Variants in ATP2A1 observed in about 807,000 individuals in gnomAD.
ATP2A1 encodes the protein sarcoplasmic/endoplasmic reticulum calcium ATPase 1.
ATP2A1 carries 83 observed loss-of-function variants against 109.5 expected under a neutral mutation model. That is an observed-to-expected ratio of 0.76 (90% CI 0.63 to 0.91). The LOEUF (loss-of-function observed/expected upper bound fraction) is 0.91. ATP2A1 is among the 40% of genes least tolerant of loss of function. ATP2A1 has a pLI of 0.00. For missense variants in ATP2A1, 1,101 were observed against 1,341.0 expected (o/e 0.82, Z 2.80); for synonymous variants, 505 against 537.6 (o/e 0.94, Z 0.84).
rs751365374 is a variant in ATP2A1, at chr16:28,902,318, GC to G, written c.2464del (p.Arg822GlyfsTer49). On this transcript the variant is annotated frameshift_variant, in exon 17 of 23. Transcript: ENST00000395503. LOFTEE classifies it high-confidence loss of function. This position sits in a 1 kb window ranked among gnomAD's most constrained non-coding sequence, Gnocchi z 4.8. ...CCACCAGACCTGGACATCATGGACC[GC>G]CCCCCCCGGAGCCCCAAGGAGCCCC... Reference protein sequence around the residue: ...FNPPDLDIMDRPPRSPKEPLI... With the variant: ...FNPPDLDIMDXPPRSPKEPLI... 8.7e-6 allele frequency: 14 copies of G among 1,612,662 alleles called. No homozygotes were observed. The highest frequency in any genetic ancestry group is 1.0e-5 in the Non-Finnish European group (12 of 1,179,332).
Position 28,900,910 on chromosome 16 carries a change from A to G in ATP2A1, c.2094A>G (p.Thr698=). The G allele has an allele frequency of 6.2e-7, 1 of 1,614,168 alleles. No individual in the cohort carries two copies. The highest frequency in any genetic ancestry group is 8.5e-7 in the Non-Finnish European group (1 of 1,180,028). ...ACCTGCAGTCCTACGATGAGATCACAGCCATGGTGAGAGGGCCCAGGCAGC... is the reference window on the plus strand; with the variant it reads ...ACCTGCAGTCCTACGATGAGATCACGGCCATGGTGAGAGGGCCCAGGCAGC... The part of the protein sequence containing the change: ...VEYLQSYDEI[T]AMTGDGVNDA... The change falls in exon 15 of 23, where the codon ACA becomes ACG. Residue 698 remains threonine (T), a synonymous_variant. Coordinates refer to ENST00000395503, the MANE Select transcript of ATP2A1 (RefSeq NM_004320.6).
At position 28,903,874 on chromosome 16, in the gene ATP2A1, G is replaced by A; in HGVS notation, c.*37+133G>A. 3.2e-6 allele frequency: 3 copies of A among 936,510 alleles called. No homozygotes were observed. Among genetic ancestry groups the A allele is most frequent in the Non-Finnish European group, 5.1e-6 (3 of 582,782 alleles). 58.0% of individuals were successfully genotyped at this position (936,510 alleles called of 1,614,324 possible). A position where few individuals can be genotyped will look rare whatever the true frequency, so the allele number is the denominator to read the frequency against. ...TGGAGCCGTTGCCACTGCTGCTGCTGCGCTTCCAGTCAGGGTGGGCCGCTG... is the reference window on the plus strand; with the variant it reads ...TGGAGCCGTTGCCACTGCTGCTGCTACGCTTCCAGTCAGGGTGGGCCGCTG... On this transcript the variant is annotated intron_variant, in intron 22 of 22. Transcript: ENST00000395503. This position sits in a 1 kb window ranked among gnomAD's most constrained non-coding sequence, Gnocchi z 5.6.
chr16:28,894,494 C>A lies in ATP2A1; in HGVS notation c.1185-11C>A. On this transcript the variant is annotated splice_polypyrimidine_tract_variant and intron_variant, in intron 10 of 22. Coordinates refer to ENST00000395503, the MANE Select transcript of ATP2A1 (RefSeq NM_004320.6). ...TGTCTCTGTCCCTTCCTCCCCTGAC[C>A]CTGCTGCCAGCTTGAAGAATGATAA... 6.2e-7 allele frequency: 1 copy of A among 1,613,030 alleles called. No individual in the cohort carries two copies. Among genetic ancestry groups the A allele is most frequent in the Non-Finnish European group, 8.5e-7 (1 of 1,179,664 alleles).
At chr16:28,882,236 G>C (rs1963508645) in intron 4 of ATP2A1, among the ~76,000 whole-genome samples, 1 of 151,006 alleles carries the variant, frequency 6.6e-6, no homozygotes, top group South Asian at 2.1e-4. Flanking sequence ...TGGGATTACA[G>C]GCGTGAGTCA....
chr16:28,879,763 C>T, intron 3 of ATP2A1, 180 bp downstream of exon 3: 2 of 765,954 alleles, frequency 2.6e-6, no homozygotes, highest in South Asian at 1.6e-5. Flanking sequence ...CCCCTGCACC[C>T]CAGAGGCAGG....
rs182806801 is a variant in ATP2A1 at position 28,881,138 on chromosome 16, T to G, written c.324+119T>G. The G allele has an allele frequency of 4.3e-4, 441 of 1,022,568 alleles. 1 individual carries two copies. Among genetic ancestry groups the G allele is most frequent in the Non-Finnish European group, 6.4e-4 (423 of 656,208 alleles). 63.3% of individuals were successfully genotyped at this position (1,022,568 alleles called of 1,614,324 possible). A position where few individuals can be genotyped will look rare whatever the true frequency, so the allele number is the denominator to read the frequency against. On this transcript the variant is annotated intron_variant, in intron 4 of 22. Coordinates refer to ENST00000395503, the MANE Select transcript of ATP2A1 (RefSeq NM_004320.6). ...ATACTTGCCTCTTCCTCTGGTCCTA[T>G]CCCCTGGTCTGGAATGGGATGGAGT...
At chr16:28,887,128 A>ACGG in intron 6 of ATP2A1, 61 bp from the exon 7 acceptor site, 1 of 1,548,790 alleles carries the variant, frequency 6.5e-7, no homozygotes, top group Non-Finnish European at 8.9e-7. Flanking sequence ...AGAGTTAGGC[A>ACGG]CGGGAAGCCT....
At position 28,900,732 on chromosome 16, in the gene ATP2A1, T is replaced by C. The variant is rs146632347; in HGVS notation, c.1916T>C (p.Ile639Thr). The C allele has an allele frequency of 1.9e-5, 30 of 1,614,038 alleles. No homozygotes were observed. The highest frequency in any genetic ancestry group is 1.6e-4 in the Middle Eastern group (1 of 6,084). The change falls in exon 15 of 23, where the codon ATT becomes ACT. Residue 639 changes from isoleucine to threonine, a missense_variant. Ile to Thr is a moderately conservative substitution (Grantham distance 89, BLOSUM62 -1). Transcript: ENST00000395503. ...ACAGCCATTGCCATCTGCCGGCGAA[T>C]TGGCATCTTTGGGGAGAACGAGGAG... ...KGTAIAICRR[I>T]GIFGENEEVA...
intron 15 of ATP2A1, 38 bp downstream of exon 15, chr16:28,900,954 G>A (rs113410149): frequency 1.9e-5 from 30 of 1,611,022 alleles, no homozygotes; most frequent in East Asian, 1.3e-4. Flanking sequence ...TAGTGTCCAC[G>A]GAGATGACCA....
At position 28,898,548 on chromosome 16, in the gene ATP2A1, C is replaced by T. The variant is rs928974565; in HGVS notation, c.1764+97C>T. 5.8e-6 allele frequency: 8 copies of T among 1,379,984 alleles called. No homozygotes were observed. The highest frequency in any genetic ancestry group is 1.2e-5 in the South Asian group (1 of 80,742). The allele number at this position is 1,379,984 out of a possible 1,614,324, so 85.5% of individuals were successfully genotyped here. A position where few individuals can be genotyped will look rare whatever the true frequency, so the allele number is the denominator to read the frequency against. On this transcript the variant is annotated intron_variant, in intron 14 of 22. Coordinates refer to ENST00000395503, the MANE Select transcript of ATP2A1 (RefSeq NM_004320.6). This position sits in a 1 kb window ranked among gnomAD's most constrained non-coding sequence, Gnocchi z 4.0. ...CCACCACCCGGATCATTTCCTACCT[C>T]GTCAGTCAAGTTGATGGCTCCTTAG...
At chr16:28,895,504 A>G (rs1350578037) in intron 12 of ATP2A1, among the ~76,000 whole-genome samples, 3 of 152,044 alleles carry the variant, frequency 2.0e-5, no homozygotes, top group Non-Finnish European at 2.9e-5. Context: ...TGTATATGCA[A>G]AATGCTCATT....
In ATP2A1 at chr16:28,902,389, G is replaced by T. The variant is rs2071341; in HGVS notation, c.2524+3G>T. The T allele has an allele frequency of 0.02, 32,711 of 1,613,700 alleles. 2,109 individuals carry two copies. The East Asian group carries it at 0.21, about 11-fold the overall frequency. On this transcript the variant is annotated splice_donor_region_variant and intron_variant, in intron 17 of 22. Transcript: ENST00000395503. The surrounding 1 kb of genome is among the most constrained non-coding windows in gnomAD (Gnocchi z 4.8). Reference sequence around the variant, plus strand: ...CTTCCGCTACATGGCAATCGGGGGTGAGCTGGAGGGGTTCCTCGATCCTCC... The same window carrying T: ...CTTCCGCTACATGGCAATCGGGGGTTAGCTGGAGGGGTTCCTCGATCCTCC...
intron 3 of ATP2A1, chr16:28,879,980 C>G (rs1963412080): frequency 9.8e-7 from 1 of 1,018,434 alleles, no homozygotes; most frequent in African/African-American, 1.7e-5. Flanking sequence ...CGCCCGTCGG[C>G]GCCCCTGCCC....
Position 28,880,522 on chromosome 16 carries a change from G to A in ATP2A1, c.220-393G>A, listed in dbSNP as rs965440242. ...GCTTCCCTGCCTTGGCCGAGGGGGAGGGCTGCGGGGGCCAGACCGCCTGCG... is the reference window on the plus strand; with the variant it reads ...GCTTCCCTGCCTTGGCCGAGGGGGAAGGCTGCGGGGGCCAGACCGCCTGCG... On this transcript the variant is annotated intron_variant, in intron 3 of 22. Coordinates refer to ENST00000395503, the MANE Select transcript of ATP2A1 (RefSeq NM_004320.6). This position sits in a 1 kb window ranked among gnomAD's most constrained non-coding sequence, Gnocchi z 4.2. Among the ~76,000 whole-genome samples the A allele has an allele frequency of 3.9e-5, 6 of 152,256 alleles. No individual in the cohort carries two copies. Among genetic ancestry groups the A allele is most frequent in the Non-Finnish European group, 7.3e-5 (5 of 68,046 alleles).
At chr16:28,887,374 G>A in intron 7 of ATP2A1, 51 bp from the exon 8 acceptor site, 1 of 1,612,884 alleles carries the variant, frequency 6.2e-7, no homozygotes, top group Non-Finnish European at 8.5e-7. Context: ...GGGAGATGCG[G>A]CATGAGGGTC....
Position 28,902,782 on chromosome 16 carries a change from A to G in ATP2A1, c.2615A>G (p.His872Arg), listed in dbSNP as rs1964118944. 2 of 1,613,534 alleles carry G rather than the reference A, an allele frequency of 1.2e-6. No individual in the cohort carries two copies. The highest frequency in any genetic ancestry group is 1.3e-5 in the African/African-American group (1 of 74,846). Residue 872 changes from histidine to arginine, a missense_variant, in exon 19 of 23, where the codon CAC becomes CGC. Transcript: ENST00000395503. This position sits in a 1 kb window ranked among gnomAD's most constrained non-coding sequence, Gnocchi z 4.8. The stretch of plus-strand genomic sequence containing the variant: ...TCTCCCGTACCTTCCCTGCAGACTC[A>G]CTTCATGCAGTGCACCGAGGACAAC... ...GPHVNYSQLT[H>R]FMQCTEDNTH...
rs150721350 is a variant in ATP2A1, at chr16:28,887,527, G to A, written c.733G>A (p.Asp245Asn). 1.1e-4 allele frequency: 183 copies of A among 1,613,896 alleles called. No homozygotes were observed. The African/African-American group carries it at 2.3e-3, about 20-fold the overall frequency. The change falls in exon 8 of 23, where the codon GAC becomes AAC. Residue 245 changes from aspartate to asparagine, a missense_variant. By Grantham distance (23) the Asp-to-Asn change is conservative. Coordinates refer to ENST00000395503, the MANE Select transcript of ATP2A1 (RefSeq NM_004320.6). The part of the protein sequence containing the change: ...IRDQMAATEQ[D>N]KTPLQQKLDE... ...AGACCAAATGGCTGCCACAGAACAG[G>A]ACAAGACCCCCTTGCAGCAGAAGCT...
intron 5 of ATP2A1, 82 bp from the exon 6 acceptor site, chr16:28,884,493 G>A (rs1963566143): frequency 1.5e-6 from 2 of 1,338,622 alleles, no homozygotes; most frequent in Non-Finnish European, 2.1e-6. Flanking sequence ...AGGAGAACGA[G>A]TCAGACACAG....
Position 28,899,643 on chromosome 16 carries a change from G to GCCCCCCCCC in ATP2A1, c.1765-935_1765-934insCCCCCCCCC, listed in dbSNP as rs1191526677. 2.6e-4 allele frequency among the ~76,000 whole-genome samples: 2 copies of GCCCCCCCCC among 7,590 alleles called. 1 individual carries two copies. Among genetic ancestry groups the GCCCCCCCCC allele is most frequent in the South Asian group, 0.019 (2 of 108 alleles). 5.0% of individuals were successfully genotyped at this position (7,590 alleles called of 152,430 possible). On this transcript the variant is annotated intron_variant, in intron 14 of 22. Transcript: ENST00000395503. ...AACAGAGCGAGACTCCATCCCCTGC[G>GCCCCCCCCC]CCCGCCCCCCCCCCCCCGAAAAAGA...
Sources: gnomAD v4.1 joint callset for allele counts (sites outside exome capture counted in the v4.1 genomes callset) on GRCh38, gnomAD v4.1.1 for gene constraint, Gnocchi (gnomAD v3.1) non-coding constraint, MANE v1.5 for transcripts, NCBI Gene and HGNC (gene_info 2026-07-23, HGNC 2026-07-21) for gene names.